Variants in ADAM28 observed in about 807,000 individuals in gnomAD.
ADAM28 encodes the protein ADAM metallopeptidase domain 28.
Under a neutral mutation model 101.2 loss-of-function variants are expected in ADAM28, and 105 were observed. The ratio of observed to expected loss-of-function variants is 1.04; its 90% CI spans 0.89 to 1.22. The LOEUF (loss-of-function observed/expected upper bound fraction) is 1.22. ADAM28 is among the 50% of genes most tolerant of loss of function. The pLI is 0.00. For missense variants in ADAM28, 1,028 were observed against 945.4 expected (o/e 1.09, Z -1.15); for synonymous variants, 322 against 310.6 (o/e 1.04, Z -0.39).
intron 9 of ADAM28, among the ~76,000 whole-genome samples, chr8:24,325,540 G>A (rs1171448334): frequency 6.6e-6 from 1 of 151,818 alleles, no homozygotes; most frequent in Non-Finnish European, 1.5e-5. Context: ...CCACAAAAAT[G>A]TAGAATGAAG....
chr8:24,301,423 C>T (rs994680724), intron 2 of ADAM28, among the ~76,000 whole-genome samples: 1 of 152,012 alleles, frequency 6.6e-6, no homozygotes, highest in Non-Finnish European at 1.5e-5. Flanking sequence ...CCATGACATG[C>T]GATTTACCTG....
intron 5 of ADAM28, among the ~76,000 whole-genome samples, chr8:24,313,185 G>A: frequency 6.6e-6 from 1 of 152,114 alleles, no homozygotes; most frequent in South Asian, 2.1e-4. Flanking sequence ...TCCTTAATAT[G>A]TCTTATTTCC....
chr8:24,334,918 T>C (rs1479443675), intron 13 of ADAM28, among the ~76,000 whole-genome samples: 1 of 152,182 alleles, frequency 6.6e-6, no homozygotes, highest in Admixed American at 6.5e-5. Flanking sequence ...AGTCATTCTA[T>C]GGAAGAAGTG....
chr8:24,300,806 T>C (rs761068618), intron 2 of ADAM28: 4 of 152,172 alleles, frequency 2.6e-5, no homozygotes, highest in Non-Finnish European at 4.4e-5. Context: ...CAAACACAAC[T>C]ATGACAATTG....
chr8:24,326,784 T>G, intron 10 of ADAM28, 149 bp downstream of exon 10: 1 of 664,968 alleles, frequency 1.5e-6, no homozygotes, highest in South Asian at 3.1e-5. Flanking sequence ...GAACTAATTT[T>G]GCATTCCAGT....
chr8:24,315,688 C>T (rs962413514), intron 6 of ADAM28, among the ~76,000 whole-genome samples: 1 of 151,870 alleles, frequency 6.6e-6, no homozygotes, highest in African/African-American at 2.4e-5. Context: ...ATACCTAACC[C>T]AAGACAAAGA....
chr8:24,296,504 A>G (rs548642710), intron 1 of ADAM28, among the ~76,000 whole-genome samples: 1 of 152,218 alleles, frequency 6.6e-6, no homozygotes, highest in Non-Finnish European at 1.5e-5. Context: ...TTGAACGAAA[A>G]TGAAAATGTC....
At chr8:24,323,305 G>A (rs1335628593) in intron 8 of ADAM28, among the ~76,000 whole-genome samples, 1 of 151,860 alleles carries the variant, frequency 6.6e-6, no homozygotes, top group Non-Finnish European at 1.5e-5. Context: ...TGGGAGTTAG[G>A]ATTTCAACAC....
chr8:24,332,305 A>G (rs1417461013), intron 12 of ADAM28, among the ~76,000 whole-genome samples: 7 of 152,184 alleles, frequency 4.6e-5, no homozygotes, highest in Non-Finnish European at 7.4e-5. Flanking sequence ...TTACTGCTAG[A>G]TATGTACATA....
rs149263503 is a variant in ADAM28, at chr8:24,341,748, C to G, written c.1821C>G (p.Gly607=). ...TGGTGGCCAATGGAACTAAGTGTGGCGATAACAAGGTAAGTTGAAATTGTG... is the reference window on the plus strand; with the variant it reads ...TGGTGGCCAATGGAACTAAGTGTGGGGATAACAAGGTAAGTTGAAATTGTG... ...IGMVANGTKC[G]DNKVCINAEC... is the part of the protein sequence containing the mutation. Residue 607 remains glycine (G), a synonymous_variant, in exon 16 of 23, where the codon GGC becomes GGG. Transcript: ENST00000265769. 6.2e-7 allele frequency: 1 copy of G among 1,613,276 alleles called. No individual in the cohort carries two copies. The highest frequency in any genetic ancestry group is 8.5e-7 in the Non-Finnish European group (1 of 1,179,584).
At chr8:24,303,829 T>C (rs1448733193) in intron 2 of ADAM28, among the ~76,000 whole-genome samples, 1 of 152,172 alleles carries the variant, frequency 6.6e-6, no homozygotes, top group African/African-American at 2.4e-5. Context: ...AAGCAGTGGT[T>C]TGTGTTCTCC....
intron 10 of ADAM28, among the ~76,000 whole-genome samples, chr8:24,328,210 A>C (rs1053136708): frequency 6.6e-6 from 1 of 151,654 alleles, no homozygotes; most frequent in African/African-American, 2.4e-5. Context: ...AAATTCTTTC[A>C]GTTTTGTTTG....
At chr8:24,353,957 G>A in intron 22 of ADAM28, 125 bp downstream of exon 22, 1 of 588,276 alleles carries the variant, frequency 1.7e-6, no homozygotes, top group Non-Finnish European at 2.9e-6. Flanking sequence ...TTGGAGATGG[G>A]TGCCAACATG....
In ADAM28 at chr8:24,330,007, G is replaced by C. The variant is rs1201730906; in HGVS notation, c.995G>C (p.Arg332Thr). The C allele has an allele frequency of 6.2e-7, 1 of 1,613,294 alleles. No individual in the cohort carries two copies. The highest frequency in any genetic ancestry group is 1.3e-5 in the African/African-American group (1 of 74,820). ...TAGGACCACAGCGATAATCTTCTTA[G>C]AGTTGCAGGGACAATGGCACATGAA... ...VVQDHSDNLL[R>T]VAGTMAHEMG... Residue 332 changes from arginine (R) to threonine (T), a missense_variant, in exon 11 of 23, where the codon AGA (arginine) becomes ACA (threonine). Transcript: ENST00000265769.
At chr8:24,349,233 G>T (rs1343674189) in intron 18 of ADAM28, among the ~76,000 whole-genome samples, 1 of 152,108 alleles carries the variant, frequency 6.6e-6, no homozygotes, top group Non-Finnish European at 1.5e-5. Flanking sequence ...TCAGATTATT[G>T]TAAGAGAAAT....
At chr8:24,322,345 G>T (rs1316406764) in intron 8 of ADAM28, among the ~76,000 whole-genome samples, 4 of 151,944 alleles carry the variant, frequency 2.6e-5, no homozygotes, top group Non-Finnish European at 5.9e-5. Flanking sequence ...GCCAATGGTG[G>T]GAGCTTGTGG....
intron 6 of ADAM28, among the ~76,000 whole-genome samples, chr8:24,319,445 T>C (rs1811581973): frequency 6.6e-6 from 1 of 152,016 alleles, no homozygotes; most frequent in South Asian, 2.1e-4. Context: ...TCTCAGTGTA[T>C]TGTAAGTGCT....
intron 2 of ADAM28, among the ~76,000 whole-genome samples, chr8:24,302,116 G>A (rs1808860872): frequency 2.0e-5 from 3 of 152,072 alleles, no homozygotes; most frequent in African/African-American, 7.2e-5. Context: ...CCACTCCTCA[G>A]AGTGTGTTGT....
Position 24,313,410 on chromosome 8 carries a change from CAA to C in ADAM28, c.408_409del (p.Arg137IlefsTer4). ...GLRGYFSQGDQRYFIEPLSPI... is the reference protein window; with the variant it reads ...GLRGYFSQGDXRYFIEPLSPI... ...CAGGGGCTACTTCAGTCAGGGGGAT[CAA>C]AGATACTTTATTGAACCTTTAAGCC... On this transcript the variant is annotated frameshift_variant, in exon 6 of 23. Coordinates refer to ENST00000265769, the MANE Select transcript of ADAM28 (RefSeq NM_014265.6). LOFTEE classifies it high-confidence loss of function. 6.2e-7 allele frequency: 1 copy of C among 1,611,864 alleles called. No homozygotes were observed. The highest frequency in any genetic ancestry group is 8.5e-7 in the Non-Finnish European group (1 of 1,179,166).
Sources: allele counts gnomAD v4.1 joint callset (sites outside exome capture counted in the v4.1 genomes callset), GRCh38; gene constraint gnomAD v4.1.1; transcripts MANE v1.5; gene names NCBI Gene and HGNC (gene_info 2026-07-23, HGNC 2026-07-21).